SPTBN4: variants seen among roughly 807,000 people sequenced by gnomAD.
SPTBN4 encodes spectrin beta chain, non-erythrocytic 4.
SPTBN4 carries 96 observed loss-of-function variants against 277.8 expected under a neutral mutation model. The observed-to-expected ratio is 0.35, with a 90% CI of 0.29 to 0.41. The LOEUF is 0.41. SPTBN4 is among the 10% of genes least tolerant of loss of function. The probability of loss-of-function intolerance (pLI) is 1.00; values close to 1 mark genes in which losing one functional copy is unlikely to be tolerated. For synonymous variants in SPTBN4, 1,481 were observed against 1,580.3 expected (o/e 0.94, Z 1.49); for missense variants, 3,006 against 3,595.7 (o/e 0.84, Z 4.19).
chr19:40,489,447 G>A (rs1162421093), intron 3 of SPTBN4, among the ~76,000 whole-genome samples: 3 of 151,910 alleles, frequency 2.0e-5, no homozygotes, highest in African/African-American at 7.2e-5. Flanking sequence ...GTGCAGTGGC[G>A]CGATCTCGGC....
At chr19:40,487,958 G>A in intron 3 of SPTBN4, 110 bp downstream of exon 3, 1 of 1,293,178 alleles carries the variant, frequency 7.7e-7, no homozygotes, top group Non-Finnish European at 1.0e-6. Flanking sequence ...TCATGGGCGA[G>A]TGGAACGTGC....
rs1325079549 is a variant in SPTBN4, at chr19:40,488,010, G to T, written c.321+162G>T. ...GTAAGAGGTCCCTCTACTCGGGTGT[G>T]TGGGGCTGTGGCGCTGGGGCGGAGC... On this transcript the variant is annotated intron_variant, in intron 3 of 35. Transcript: ENST00000598249. 2.6e-5 allele frequency among the ~76,000 whole-genome samples: 4 copies of T among 152,282 alleles called. No homozygotes were observed. The East Asian group carries it at 7.7e-4, about 29-fold the overall frequency.
intron 20 of SPTBN4, among the ~76,000 whole-genome samples, chr19:40,539,579 TG>T (rs2080775466): frequency 6.6e-6 from 1 of 152,040 alleles, no homozygotes; most frequent in African/African-American, 2.4e-5. Flanking sequence ...TGGCTTCAAG[TG>T]ATTCTCCTGC....
chr19:40,572,368 G>A lies in SPTBN4; in HGVS notation c.7524G>A (p.Gln2508=). ...QTQDGSEFLL[Q]AKDEEEMNGW... ...AGGATGGCAGTGAGTTTTTGCTCCA[G>A]GCAAAAGATGAGGTGAGATCTGGTC... Residue 2508 remains glutamine, a synonymous_variant, in exon 35 of 36, where the codon CAG becomes CAA. Transcript: ENST00000598249. The A allele has an allele frequency of 6.2e-7, 1 of 1,614,208 alleles. No homozygotes were observed. Among genetic ancestry groups the A allele is most frequent in the Non-Finnish European group, 8.5e-7 (1 of 1,180,026 alleles).
intron 12 of SPTBN4, among the ~76,000 whole-genome samples, chr19:40,505,954 C>G (rs1300617787): frequency 6.6e-6 from 1 of 152,120 alleles, no homozygotes; most frequent in Non-Finnish European, 1.5e-5. Flanking sequence ...TGGAAACATT[C>G]AGAGAGAGAC....
At chr19:40,487,507 G>C (rs988943886) in intron 2 of SPTBN4, among the ~76,000 whole-genome samples, 190 bp from the exon 3 acceptor site, 1 of 150,782 alleles carries the variant, frequency 6.6e-6, no homozygotes, top group African/African-American at 2.4e-5. Context: ...CACCATGTCC[G>C]GCTGCTTTTT....
At chr19:40,470,589 G>C (rs557825993) in intron 1 of SPTBN4, among the ~76,000 whole-genome samples, 1 of 151,928 alleles carries the variant, frequency 6.6e-6, no homozygotes, top group South Asian at 2.1e-4. Context: ...TTACAGGTAT[G>C]AGCCACTGTG....
Position 40,554,701 on chromosome 19 carries a change from G to C in SPTBN4, c.5084+55G>C, listed in dbSNP as rs2080957907. ...ATGGTCCAGCAGGACCTGAAGCTTC[G>C]CTGTTGGGAGTTGGCGCAGCGCTGG... On this transcript the variant is annotated intron_variant, in intron 24 of 35. Coordinates refer to ENST00000598249, the MANE Select transcript of SPTBN4 (RefSeq NM_020971.3). This position sits in a 1 kb window ranked among gnomAD's most constrained non-coding sequence, Gnocchi z 5.7. The C allele has an allele frequency of 1.9e-6, 3 of 1,573,306 alleles. No individual in the cohort carries two copies. Among genetic ancestry groups the C allele is most frequent in the East Asian group, 4.7e-5 (2 of 42,980 alleles).
intron 2 of SPTBN4, among the ~76,000 whole-genome samples, chr19:40,483,146 C>T (rs115684107): frequency 2.5e-3 from 384 of 152,020 alleles, no homozygotes; most frequent in African/African-American, 7.5e-3. Context: ...AACTGGGGTC[C>T]CGAGAGGGGA....
chr19:40,552,512 C>T (rs814509), intron 22 of SPTBN4, among the ~76,000 whole-genome samples: 65,611 of 146,886 alleles, frequency 0.45, 15,347 homozygotes, highest in African/African-American at 0.5. Context: ...GTGCTAAGTA[C>T]TGTCTTAGGG....
At position 40,487,603 on chromosome 19, in the gene SPTBN4, C is replaced by T. The variant is rs550352870; in HGVS notation, c.170-94C>T. ...CAGGTGATCCGCCTGTGAGGCTGGA[C>T]TCTTGCAGAGAGCTGGGTCTGAGCA... On this transcript the variant is annotated intron_variant, in intron 2 of 35. Coordinates refer to ENST00000598249, the MANE Select transcript of SPTBN4 (RefSeq NM_020971.3). The T allele has an allele frequency of 3.4e-6, 5 of 1,470,824 alleles. No homozygotes were observed. In the African/African-American group the frequency reaches 4.2e-5, roughly 12 times the overall value. The allele number at this position is 1,470,824 out of a possible 1,614,324, so 91.1% of individuals were successfully genotyped here. A position where few individuals can be genotyped will look rare whatever the true frequency, so the allele number is the denominator to read the frequency against.
chr19:40,482,130 T>C (rs965366306), intron 2 of SPTBN4, among the ~76,000 whole-genome samples: 1 of 151,550 alleles, frequency 6.6e-6, no homozygotes, highest in African/African-American at 2.4e-5. Context: ...AGAGATGGGG[T>C]TTCACCATGT....
intron 3 of SPTBN4, 28 bp downstream of exon 3, chr19:40,487,876 G>T: frequency 6.4e-7 from 1 of 1,569,756 alleles, no homozygotes; most frequent in South Asian, 1.2e-5. Context: ...GCTGGGGCAG[G>T]GGTCCTCCCT....
chr19:40,519,891 C>T lies in SPTBN4; in HGVS notation c.3394C>T (p.His1132Tyr), dbSNP rs939355879. The T allele has an allele frequency of 5.9e-6, 9 of 1,520,796 alleles. 1 individual carries two copies. The highest frequency in any genetic ancestry group is 7.9e-6 in the Non-Finnish European group (9 of 1,144,148). 94.2% of individuals were successfully genotyped at this position (1,520,796 alleles called of 1,614,324 possible). Reference protein sequence around the residue: ...LEEADALLARHAALKEEVDQR... With the variant: ...LEEADALLARYAALKEEVDQR... ...AGAGGCGGACGCGCTGCTGGCGCGCCACGCTGCGCTCAAGGAGGAGGTGGA... is the reference window on the plus strand; with the variant it reads ...AGAGGCGGACGCGCTGCTGGCGCGCTACGCTGCGCTCAAGGAGGAGGTGGA... The change falls in exon 16 of 36, where the codon CAC becomes TAC. Residue 1132 changes from histidine (H) to tyrosine (Y), a missense_variant. Physicochemically the swap from His to Tyr is moderately conservative, Grantham distance 83 (BLOSUM62 2). Transcript: ENST00000598249. The surrounding 1 kb of genome is among the most constrained non-coding windows in gnomAD (Gnocchi z 5.7).
chr19:40,559,651 AAAAC>A (rs1325696970), intron 26 of SPTBN4, among the ~76,000 whole-genome samples: 2 of 152,210 alleles, frequency 1.3e-5, no homozygotes, highest in Admixed American at 6.5e-5. Flanking sequence ...CTGTCTCAGA[AAAAC>A]AAACAAAAAA....
chr19:40,485,573 A>T (rs184495368), intron 2 of SPTBN4, among the ~76,000 whole-genome samples: 1 of 152,266 alleles, frequency 6.6e-6, no homozygotes, highest in Non-Finnish European at 1.5e-5. Flanking sequence ...TGGGAAGCGT[A>T]CGTGGGAGGA....
chr19:40,490,080 G>A lies in SPTBN4; in HGVS notation c.327G>A (p.Arg109=), dbSNP rs1302533022. Residue 109 remains arginine, a synonymous_variant, in exon 4 of 36, where the codon AGG becomes AGA. Coordinates refer to ENST00000598249, the MANE Select transcript of SPTBN4 (RefSeq NM_020971.3). The surrounding 1 kb of genome is among the most constrained non-coding windows in gnomAD (Gnocchi z 4.3). ...CACCGCCCCTGTCGCCCTAGCCCAG[G>A]CCCACGCGCGGCCGCATGCGGATCC... is the stretch of plus-strand genomic sequence containing the variant. ...LEVLSGEQLP[R]PTRGRMRIHS... The A allele has an allele frequency of 6.2e-7, 1 of 1,608,608 alleles. No individual in the cohort carries two copies. The highest frequency in any genetic ancestry group is 8.5e-7 in the Non-Finnish European group (1 of 1,176,446).
At position 40,511,392 on chromosome 19, in the gene SPTBN4, TGAGA is replaced by T. The variant is rs1222233275; in HGVS notation, c.1817-1211_1817-1208del. Among the ~76,000 whole-genome samples the T allele has an allele frequency of 2.6e-5, 4 of 152,066 alleles. No individual in the cohort carries two copies. The South Asian group carries it at 8.3e-4, about 32-fold the overall frequency. ...CATTGCACTCCAGCCCAGGCGACAG[TGAGA>T]GACTCTGTCTCAATCAAACAAACAA... On this transcript the variant is annotated intron_variant, in intron 13 of 35. Coordinates refer to ENST00000598249, the MANE Select transcript of SPTBN4 (RefSeq NM_020971.3).
intron 13 of SPTBN4, among the ~76,000 whole-genome samples, chr19:40,508,899 T>G (rs1298189341): frequency 6.6e-6 from 1 of 151,998 alleles, no homozygotes; most frequent in African/African-American, 2.4e-5. Flanking sequence ...GCAGCTGTCA[T>G]TCATCTGAGC....
Sources: gnomAD v4.1 joint callset for allele counts (sites outside exome capture counted in the v4.1 genomes callset) on GRCh38, gnomAD v4.1.1 for gene constraint, Gnocchi (gnomAD v3.1) non-coding constraint, MANE v1.5 for transcripts, NCBI Gene and HGNC (gene_info 2026-07-23, HGNC 2026-07-21) for gene names.